EMILIN2: variants seen among roughly 807,000 people sequenced by gnomAD.
EMILIN2 encodes the protein elastin microfibril interfacer 2, also known as EMILIN-2.
EMILIN2 carries 71 observed loss-of-function variants against 87.1 expected under a neutral mutation model. That is an observed-to-expected ratio of 0.82 (90% CI 0.67 to 0.99). The LOEUF (loss-of-function observed/expected upper bound fraction) is 0.99, where lower values mean the gene tolerates loss of function less well. Ranked by LOEUF, EMILIN2 falls within the 50% of genes least tolerant of loss-of-function variation. The pLI is 0.00. For synonymous variants in EMILIN2, 581 were observed against 563.4 expected, an observed-to-expected ratio of 1.03 and a Z score of -0.44; for missense variants, 1,407 against 1,371.8, an observed-to-expected ratio of 1.03 and a Z score of -0.40.
chr18:2,882,832 G>A lies in EMILIN2; in HGVS notation c.258-2132G>A, dbSNP rs907318532. On this transcript the variant is annotated intron_variant, in intron 2 of 7. Transcript: ENST00000254528. ...CGGGAGGCAGAGGTTGCAGTGAGCC[G>A]AGATCGCGCCATTGTACTCCAGCCT... 4.6e-5 allele frequency among the ~76,000 whole-genome samples: 7 copies of A among 151,696 alleles called. No homozygotes were observed. In the East Asian group the frequency reaches 5.8e-4, roughly 13 times the overall value.
intron 3 of EMILIN2, among the ~76,000 whole-genome samples, chr18:2,888,642 G>A (rs781755952): frequency 6.6e-6 from 1 of 150,458 alleles, no homozygotes; most frequent in Non-Finnish European, 1.5e-5. Flanking sequence ...GTGAACCCAA[G>A]AGGCAGAGCT....
intron 2 of EMILIN2, among the ~76,000 whole-genome samples, chr18:2,884,678 A>G (rs1326468034): frequency 6.6e-6 from 1 of 152,248 alleles, no homozygotes; most frequent in Non-Finnish European, 1.5e-5. Context: ...TATCCTTCTC[A>G]AATGGGAGTC....
chr18:2,877,323 C>G (rs1318401134), intron 2 of EMILIN2, among the ~76,000 whole-genome samples: 2 of 152,170 alleles, frequency 1.3e-5, no homozygotes, highest in Non-Finnish European at 2.9e-5. Flanking sequence ...GACTTTATAG[C>G]CTCTACTGCC....
rs146125358 is a variant in EMILIN2, at chr18:2,867,244, C to G, written c.258-17720C>G. Among the ~76,000 whole-genome samples the G allele has an allele frequency of 1.2e-3, 178 of 152,002 alleles. 3 individuals carry two copies. The East Asian group carries it at 0.03, about 26-fold the overall frequency. ...TAGGGAGGATTCTCTCTTTCTCTGTCTTGTGGAATAGTGTCAATAGGATTG... is the reference window on the plus strand; with the variant it reads ...TAGGGAGGATTCTCTCTTTCTCTGTGTTGTGGAATAGTGTCAATAGGATTG... On this transcript the variant is annotated intron_variant, in intron 2 of 7. Transcript: ENST00000254528.
intron 2 of EMILIN2, among the ~76,000 whole-genome samples, chr18:2,855,119 G>A (rs2076620679): frequency 6.6e-6 from 1 of 152,210 alleles, no homozygotes; most frequent in African/African-American, 2.4e-5. Flanking sequence ...CTCGAGAGCT[G>A]CAGACTGTTG....
intron 4 of EMILIN2, among the ~76,000 whole-genome samples, chr18:2,901,049 A>ACC (rs2076886113): frequency 6.6e-6 from 1 of 152,180 alleles, no homozygotes. Flanking sequence ...AAAAGGGCAC[A>ACC]CCCACATCCA....
Position 2,848,057 on chromosome 18 carries a change from A to G in EMILIN2, c.257+126A>G, listed in dbSNP as rs1285470624. The stretch of plus-strand genomic sequence containing the variant: ...CTTCCAGATCCGGTGAAAAGCCCGC[A>G]GCGGAAAAGCGCTCCGAGCGCTCGC... On this transcript the variant is annotated intron_variant, in intron 2 of 7. Coordinates refer to ENST00000254528, the MANE Select transcript of EMILIN2 (RefSeq NM_032048.3). The surrounding 1 kb of genome is among the most constrained non-coding windows in gnomAD (Gnocchi z 4.1). The G allele has an allele frequency of 8.0e-7, 1 of 1,254,680 alleles. No homozygotes were observed. The highest frequency in any genetic ancestry group is 1.1e-6 in the Non-Finnish European group (1 of 940,346). The allele number at this position is 1,254,680 out of a possible 1,614,324, so 77.7% of individuals were successfully genotyped here.
In EMILIN2 at chr18:2,909,746, C is replaced by T. The variant is rs1311098244; in HGVS notation, c.2751C>T (p.Phe917=). 1 of 1,613,544 alleles carries T rather than the reference C, an allele frequency of 6.2e-7. No individual in the cohort carries two copies. The highest frequency in any genetic ancestry group is 1.7e-5 in the Admixed American group (1 of 59,822). ...CTGCGGGGCTCACCCAGAAGCCTTT[C>T]CCCAGTGATGGGGGCGTTGTCCTCT... ...SFSAGLTQKP[F]PSDGGVVLFN... The change falls in exon 7 of 8, where the codon TTC becomes TTT. Residue 917 remains phenylalanine, a synonymous_variant. Coordinates refer to ENST00000254528, the MANE Select transcript of EMILIN2 (RefSeq NM_032048.3).
rs78200625 is a variant in EMILIN2 at position 2,901,887 on chromosome 18, C to T, written c.2360-4896C>T. Among the ~76,000 whole-genome samples the T allele has an allele frequency of 3.2e-3, 484 of 152,254 alleles. 2 individuals carry two copies. The highest frequency in any genetic ancestry group is 7.3e-3 in the Admixed American group (112 of 15,292). On this transcript the variant is annotated intron_variant, in intron 4 of 7. Coordinates refer to ENST00000254528, the MANE Select transcript of EMILIN2 (RefSeq NM_032048.3). ...GCTGGGGGCACCCATCCCAGTGAGACGTCGCTTTTTCATGACTGTCTCTGC... is the reference window on the plus strand; with the variant it reads ...GCTGGGGGCACCCATCCCAGTGAGATGTCGCTTTTTCATGACTGTCTCTGC...
rs1348110526 is a variant in EMILIN2, at chr18:2,909,801, G to A, written c.2806G>A (p.Val936Ile). The change falls in exon 7 of 8, where the codon GTT (valine) becomes ATT (isoleucine). Residue 936 changes from valine to isoleucine, a missense_variant. By Grantham distance (29) the Val-to-Ile change is conservative. Transcript: ENST00000254528. The part of the protein sequence containing the change: ...FNKVLVNDGD[V>I]YNPSTGVFTA... ...CAAAGTGCTGGTGAACGACGGGGAT[G>A]TTTACAACCCCAGCACCGGTGAGTG... 6.2e-7 allele frequency: 1 copy of A among 1,613,570 alleles called. No individual in the cohort carries two copies.
intron 2 of EMILIN2, among the ~76,000 whole-genome samples, chr18:2,872,844 A>G (rs1321272409): frequency 6.6e-6 from 1 of 152,186 alleles, no homozygotes; most frequent in Non-Finnish European, 1.5e-5. Context: ...TTATTTTAAT[A>G]TTAATTGTGT....
chr18:2,873,107 A>C (rs970418038), intron 2 of EMILIN2, among the ~76,000 whole-genome samples: 22 of 152,030 alleles, frequency 1.4e-4, no homozygotes, highest in Non-Finnish European at 2.9e-4. Context: ...CAAGCCACCT[A>C]TATTTAACAC....
Position 2,883,528 on chromosome 18 carries a change from G to A in EMILIN2, c.258-1436G>A, listed in dbSNP as rs150443125. ...GGCAGGAAATCACAATTGGGCTGAA[G>A]TAGGGAGGCCCCATCCTGTGTGGCT... On this transcript the variant is annotated intron_variant, in intron 2 of 7. Coordinates refer to ENST00000254528, the MANE Select transcript of EMILIN2 (RefSeq NM_032048.3). 8.4e-3 allele frequency among the ~76,000 whole-genome samples: 1,278 copies of A among 152,348 alleles called. 17 individuals are homozygous for A. Among genetic ancestry groups the A allele is most frequent in the African/African-American group, 0.027 (1,116 of 41,590 alleles).
chr18:2,862,532 G>T (rs2076666258), intron 2 of EMILIN2, among the ~76,000 whole-genome samples: 1 of 152,102 alleles, frequency 6.6e-6, no homozygotes, highest in Non-Finnish European at 1.5e-5. Flanking sequence ...TTATTGATTT[G>T]CATATGTTGA....
chr18:2,854,965 A>G (rs1187810031), intron 2 of EMILIN2, among the ~76,000 whole-genome samples: 2 of 152,170 alleles, frequency 1.3e-5, no homozygotes, highest in African/African-American at 4.8e-5. Flanking sequence ...TCTTTCCTTC[A>G]GCTTTTAAAC....
At chr18:2,869,171 C>G (rs1469447000) in intron 2 of EMILIN2, among the ~76,000 whole-genome samples, 2 of 151,826 alleles carry the variant, frequency 1.3e-5, no homozygotes, top group Non-Finnish European at 2.9e-5. Context: ...ATTTTAGTTT[C>G]TATGTAATTG....
At chr18:2,850,238 C>A (rs2076595432) in intron 2 of EMILIN2, among the ~76,000 whole-genome samples, 1 of 151,802 alleles carries the variant, frequency 6.6e-6, no homozygotes, top group Admixed American at 6.6e-5. Context: ...CCATGTCTGG[C>A]CCCTAAGTTT....
Position 2,869,786 on chromosome 18 carries a change from T to G in EMILIN2, c.258-15178T>G, listed in dbSNP as rs9958759. ...GATTCCTCTGTGTGTGTGTGTGTGT[T>G]TGTGTGTGTGTGTGTGTGTGTGTGT... On this transcript the variant is annotated intron_variant, in intron 2 of 7. Transcript: ENST00000254528. Among the ~76,000 whole-genome samples, 288 of 59,148 alleles carry G rather than the reference T, an allele frequency of 4.9e-3. 2 individuals are homozygous for G. Among genetic ancestry groups the G allele is most frequent in the African/African-American group, 0.015 (253 of 16,902 alleles). The allele number at this position is 59,148 out of a possible 152,430, so 38.8% of individuals were successfully genotyped here.
At chr18:2,858,836 A>G (rs1053386399) in intron 2 of EMILIN2, among the ~76,000 whole-genome samples, 14 of 151,138 alleles carry the variant, frequency 9.3e-5, no homozygotes, top group Non-Finnish European at 2.1e-4. Flanking sequence ...GGGTTTCACC[A>G]TGTTGGCCAG....
Sources: allele counts gnomAD v4.1 joint callset (sites outside exome capture counted in the v4.1 genomes callset), GRCh38; gene constraint gnomAD v4.1.1; non-coding constraint Gnocchi (gnomAD v3.1); transcripts MANE v1.5; gene names NCBI Gene and HGNC (gene_info 2026-07-23, HGNC 2026-07-21).